Variants in DPP6 observed in about 807,000 individuals in gnomAD.
DPP6 encodes the protein dipeptidyl peptidase like 6.
In DPP6, 69 loss-of-function variants were observed where a neutral mutation model predicts 122.6. That is an observed-to-expected ratio of 0.56 (90% confidence interval 0.46 to 0.69). The LOEUF (loss-of-function observed/expected upper bound fraction) is 0.69. Ranked by LOEUF, DPP6 falls within the 30% of genes least tolerant of loss-of-function variation. The pLI is 0.00. For missense variants in DPP6, 928 were observed against 1,116.9 expected (o/e 0.83, Z 2.41); for synonymous variants, 418 against 433.1 (o/e 0.97, Z 0.43).
At chr7:154,519,330 C>A (rs1826786844) in intron 3 of DPP6, among the ~76,000 whole-genome samples, 1 of 152,206 alleles carries the variant, frequency 6.6e-6, no homozygotes, top group Non-Finnish European at 1.5e-5. Context: ...CACAGACAGC[C>A]CCCTGGAGCC....
At chr7:153,884,995 T>C (rs796603471), upstream of DPP6, among the ~76,000 whole-genome samples, 21,431 of 134,182 alleles carry the variant, frequency 0.16, 2,494 homozygotes, top group East Asian at 0.35. Flanking sequence ...AAAATATATA[T>C]ATATATATAT....
At chr7:154,783,147 T>A (rs1023310696) in intron 10 of DPP6, among the ~76,000 whole-genome samples, 4 of 152,116 alleles carry the variant, frequency 2.6e-5, no homozygotes, top group Non-Finnish European at 5.9e-5. Flanking sequence ...GGGTAGAGGC[T>A]GTTTCCACCA....
At chr7:154,371,639 T>C (rs990419540) in intron 1 of DPP6, among the ~76,000 whole-genome samples, 5 of 152,028 alleles carry the variant, frequency 3.3e-5, no homozygotes, top group Non-Finnish European at 7.4e-5. Context: ...TGCCGTGGGA[T>C]GGCCTCTAGA....
At chr7:154,460,944 C>T (rs12703355) in intron 2 of DPP6, among the ~76,000 whole-genome samples, 112,121 of 152,042 alleles carry the variant, frequency 0.74, 42,143 homozygotes, top group East Asian at 0.91. Flanking sequence ...GTAAATCTTA[C>T]TCTTTCTAAC....
the DPP6 span, among the ~76,000 whole-genome samples, chr7:153,839,477 G>A: frequency 2.0e-5 from 3 of 152,166 alleles, no homozygotes; most frequent in Non-Finnish European, 4.4e-5. Context: ...TAACCAGAAG[G>A]CACACGTGTG....
chr7:153,885,882 AATAC>A (rs1353251801), upstream of DPP6, among the ~76,000 whole-genome samples: 2 of 152,194 alleles, frequency 1.3e-5, no homozygotes, highest in Non-Finnish European at 2.9e-5. Context: ...TACATATATT[AATAC>A]ATAATGTATC....
intron 5 of DPP6, among the ~76,000 whole-genome samples, chr7:154,625,046 C>G (rs1203951354): frequency 6.6e-6 from 1 of 152,124 alleles, no homozygotes; most frequent in Admixed American, 6.5e-5. Context: ...ACAGCAATAC[C>G]AAGGGGCAGG....
the DPP6 span, among the ~76,000 whole-genome samples, chr7:153,817,844 C>A: frequency 6.6e-6 from 1 of 150,824 alleles, no homozygotes; most frequent in Admixed American, 6.6e-5. Flanking sequence ...TGCAGCACAC[C>A]AACATGGCAC....
chr7:154,297,103 G>A lies in DPP6; in HGVS notation c.244-149111G>A, dbSNP rs571187288. ...TTTTGTTTTTCTATTTGGAGGGTGA[G>A]GGATAGCCTACTTTAATATCAGAAG... On this transcript the variant is annotated intron_variant, in intron 1 of 25. Coordinates refer to ENST00000377770, the MANE Select transcript of DPP6 (RefSeq NM_130797.4). 4.7e-5 allele frequency among the ~76,000 whole-genome samples: 7 copies of A among 149,712 alleles called. No homozygotes were observed. The East Asian group carries it at 1.4e-3, about 30-fold the overall frequency.
chr7:154,569,341 A>G (rs1479677283), intron 5 of DPP6, among the ~76,000 whole-genome samples: 2 of 152,152 alleles, frequency 1.3e-5, no homozygotes, highest in Middle Eastern at 3.4e-3. Flanking sequence ...TAAAAATATT[A>G]TCCATTGGTA....
intron 7 of DPP6, among the ~76,000 whole-genome samples, chr7:154,719,538 T>C (rs10271763): frequency 0.1 from 15,250 of 152,210 alleles, 2,299 homozygotes; most frequent in African/African-American, 0.33. Flanking sequence ...GAATGATTCA[T>C]GTGACTCACT....
chr7:154,302,632 A>T (rs1409619408), intron 1 of DPP6, among the ~76,000 whole-genome samples: 2 of 152,248 alleles, frequency 1.3e-5, no homozygotes, highest in African/African-American at 4.8e-5. Context: ...CCTTTGAAGG[A>T]TCATGTATCA....
intron 1 of DPP6, among the ~76,000 whole-genome samples, chr7:154,271,172 G>T (rs1803762329): frequency 6.6e-6 from 1 of 152,152 alleles, no homozygotes; most frequent in African/African-American, 2.4e-5. Context: ...TCTGGTAATA[G>T]TCTATGTAAA....
At chr7:154,878,213 T>G (rs1805052763) in intron 20 of DPP6, among the ~76,000 whole-genome samples, 1 of 152,192 alleles carries the variant, frequency 6.6e-6, no homozygotes, top group South Asian at 2.1e-4. Flanking sequence ...CTTCGACACT[T>G]GGCTCTGCCT....
At chr7:154,212,892 C>G (rs1799814325) in intron 1 of DPP6, among the ~76,000 whole-genome samples, 1 of 152,168 alleles carries the variant, frequency 6.6e-6, no homozygotes, top group East Asian at 1.9e-4. Context: ...GGACCTCATC[C>G]AGGAAACATC....
At chr7:154,659,329 G>A (rs1373997929) in intron 6 of DPP6, among the ~76,000 whole-genome samples, 1 of 152,154 alleles carries the variant, frequency 6.6e-6, no homozygotes, top group Non-Finnish European at 1.5e-5. Context: ...ATAGATAGTT[G>A]TTGTAATAAC....
At chr7:154,308,930 A>G (rs1430868957) in intron 1 of DPP6, among the ~76,000 whole-genome samples, 1 of 152,216 alleles carries the variant, frequency 6.6e-6, no homozygotes, top group Admixed American at 6.5e-5. Context: ...TATTGTGTGC[A>G]TGTGTATGTA....
At chr7:154,204,084 C>T (rs1020881220) in intron 1 of DPP6, among the ~76,000 whole-genome samples, 15 of 152,204 alleles carry the variant, frequency 9.9e-5, no homozygotes, top group African/African-American at 3.6e-4. Context: ...CTTCCTCTTA[C>T]GTGCATTTAC....
rs184483727 is a variant in DPP6 at position 154,596,525 on chromosome 7, G to A, written c.627+29609G>A. Among the ~76,000 whole-genome samples, 1,517 of 152,280 alleles carry A rather than the reference G, an allele frequency of 1.0e-2. 13 individuals carry two copies. Among genetic ancestry groups the A allele is most frequent in the South Asian group, 0.015 (70 of 4,824 alleles). ...TGTATATTAAGGTGTTAAGACAATG[G>A]ATAGCAAGAGAAAGATGGGATTTTG... On this transcript the variant is annotated intron_variant, in intron 5 of 25. Coordinates refer to ENST00000377770, the MANE Select transcript of DPP6 (RefSeq NM_130797.4).
Sources: gnomAD v4.1 joint callset for allele counts (sites outside exome capture counted in the v4.1 genomes callset) on GRCh38, gnomAD v4.1.1 for gene constraint, MANE v1.5 for transcripts, NCBI Gene and HGNC (gene_info 2026-07-23, HGNC 2026-07-21) for gene names.